ZFP82: variants seen among roughly 807,000 people sequenced by gnomAD.
The protein encoded by ZFP82 is ZFP82 zinc finger protein.
Under a neutral mutation model 54.0 loss-of-function variants are expected in ZFP82, and 30 were observed. The observed-to-expected ratio is 0.56, with a 90% CI of 0.42 to 0.75. ZFP82 has a LOEUF of 0.75. Among genes scored for constraint, ZFP82 ranks in the 30% least tolerant of loss-of-function variants. The pLI, the probability that ZFP82 is intolerant of heterozygous loss-of-function variation, is 0.00. For synonymous variants in ZFP82, 194 were observed against 209.5 expected, an observed-to-expected ratio of 0.93 and a Z score of 0.64; for missense variants, 500 against 636.8, an observed-to-expected ratio of 0.79 and a Z score of 2.31.
At chr19:36,403,630 A>AAG (rs890063323) in intron 4 of ZFP82, among the ~76,000 whole-genome samples, 1 of 151,476 alleles carries the variant, frequency 6.6e-6, no homozygotes, top group Admixed American at 6.6e-5. Flanking sequence ...AAGAAAAAAA[A>AAG]AAAAAAAAAC....
chr19:36,415,043 A>T (rs1268105993), intron 1 of ZFP82, among the ~76,000 whole-genome samples: 1 of 151,854 alleles, frequency 6.6e-6, no homozygotes, highest in Non-Finnish European at 1.5e-5. Context: ...CTGGTCTGGA[A>T]CTCCTGACCT....
At chr19:36,415,069 C>A (rs1392422337) in intron 1 of ZFP82, among the ~76,000 whole-genome samples, 3 of 152,198 alleles carry the variant, frequency 2.0e-5, no homozygotes, top group Non-Finnish European at 4.4e-5. Context: ...GATCCGCCCA[C>A]CTTGGCCTCC....
At chr19:36,385,994 A>C (rs1394581947), downstream of ZFP82, among the ~76,000 whole-genome samples, 1 of 152,240 alleles carries the variant, frequency 6.6e-6, no homozygotes, top group Non-Finnish European at 1.5e-5. Context: ...TATGAAGTGA[A>C]AAGGTGTGTT....
Position 36,390,936 on chromosome 19 carries a change from T to C in ZFP82, c.*1805A>G, listed in dbSNP as rs1040873334. ...GGCGCCTGCCACCACGCCCGGCGAA[T>C]TTTTTGTATTTTTAGTAGAGATGGG... On this transcript the variant is annotated 3_prime_UTR_variant, in exon 5 of 5. Transcript: ENST00000392161. 3 of 152,106 alleles carry C rather than the reference T, an allele frequency of 2.0e-5. No homozygotes were observed. The highest frequency in any genetic ancestry group is 4.4e-5 in the Non-Finnish European group (3 of 68,176). 9.4% of individuals were successfully genotyped at this position (152,106 alleles called of 1,614,324 possible).
At chr19:36,387,595 T>C (rs1381509060), downstream of ZFP82, among the ~76,000 whole-genome samples, 1 of 152,160 alleles carries the variant, frequency 6.6e-6, no homozygotes, top group African/African-American at 2.4e-5. Flanking sequence ...TTTCTGTTCA[T>C]TGTAAATTAC....
intron 4 of ZFP82, 189 bp from the exon 5 acceptor site, chr19:36,394,299 A>G: frequency 1.7e-6 from 1 of 573,722 alleles, no homozygotes; most frequent in Non-Finnish European, 3.0e-6. Flanking sequence ...CAAAATAGCA[A>G]GATTGGTGAT....
At chr19:36,402,233 C>T (rs1351357860) in intron 4 of ZFP82, among the ~76,000 whole-genome samples, 1 of 152,020 alleles carries the variant, frequency 6.6e-6, no homozygotes, top group African/African-American at 2.4e-5. Context: ...CTTTGGGAAG[C>T]CAAGGTGGGC....
At chr19:36,395,682 T>A (rs945473588) in intron 4 of ZFP82, 5 of 151,912 alleles carry the variant, frequency 3.3e-5, no homozygotes, top group Middle Eastern at 6.8e-3. Context: ...TATGATAAGG[T>A]GGTCTCTATT....
At chr19:36,413,471 T>A (rs2032613591) in intron 1 of ZFP82, among the ~76,000 whole-genome samples, 1 of 152,156 alleles carries the variant, frequency 6.6e-6, no homozygotes, top group African/African-American at 2.4e-5. Context: ...GGCAACAAGT[T>A]GAATAAATGA....
chr19:36,392,355 CACAGAGGGATGTAGATTCCTGTATACA>C lies in ZFP82; in HGVS notation c.*359_*385del, dbSNP rs145937527. 29,879 of 172,904 alleles carry C rather than the reference CACAGAGGGATGTAGATTCCTGTATACA, an allele frequency of 0.17. 2,899 individuals carry two copies. Among genetic ancestry groups the C allele is most frequent in the Non-Finnish European group, 0.23 (18,546 of 81,362 alleles). The allele number at this position is 172,904 out of a possible 1,614,324, so 10.7% of individuals were successfully genotyped here. On this transcript the variant is annotated 3_prime_UTR_variant, in exon 5 of 5. Transcript: ENST00000392161. ...ACCATATTCTACTGGGCGAAGCAGT[CACAGAGGGATGTAGATTCCTGTATACA>C]ACAGAGGGATGTAGATTCCACCTCT...
rs2032220307 is a variant in ZFP82 at position 36,392,672 on chromosome 19, T to C, written c.*69A>G. On this transcript the variant is annotated 3_prime_UTR_variant, in exon 5 of 5. Coordinates refer to ENST00000392161, the MANE Select transcript of ZFP82 (RefSeq NM_133466.4). ...CCTCTAATGCCAACGCAGTTGCATGTATGGAGCAAAATAGATTAATTACTA... is the reference window on the plus strand; with the variant it reads ...CCTCTAATGCCAACGCAGTTGCATGCATGGAGCAAAATAGATTAATTACTA... 2 of 1,383,192 alleles carry C rather than the reference T, an allele frequency of 1.4e-6. No homozygotes were observed. The highest frequency in any genetic ancestry group is 5.4e-5 in the Admixed American group (2 of 36,922). 85.7% of individuals were successfully genotyped at this position (1,383,192 alleles called of 1,614,324 possible).
chr19:36,403,715 C>G (rs1453344695), intron 4 of ZFP82, among the ~76,000 whole-genome samples: 1 of 151,578 alleles, frequency 6.6e-6, no homozygotes, highest in African/African-American at 2.4e-5. Context: ...AGATCATTCT[C>G]TCTAGAGTCT....
chr19:36,403,258 G>C (rs1012249052), intron 4 of ZFP82, among the ~76,000 whole-genome samples: 3 of 150,652 alleles, frequency 2.0e-5, no homozygotes, highest in African/African-American at 7.3e-5. Context: ...GGGAGGCAGA[G>C]GTTGCAGTGA....
intron 4 of ZFP82, among the ~76,000 whole-genome samples, chr19:36,401,626 TC>T (rs2032386031): frequency 6.6e-6 from 1 of 152,214 alleles, no homozygotes; most frequent in Admixed American, 6.6e-5. Flanking sequence ...TGAAACTGCC[TC>T]AGTATCGGTG....
chr19:36,393,314 T>C lies in ZFP82; in HGVS notation c.1026A>G (p.Glu342=), dbSNP rs2145579519. 1 of 1,614,108 alleles carries C rather than the reference T, an allele frequency of 6.2e-7. No individual in the cohort carries two copies. Residue 342 remains glutamate, a synonymous_variant, in exon 5 of 5, where the codon GAA becomes GAG. Coordinates refer to ENST00000392161, the MANE Select transcript of ZFP82 (RefSeq NM_133466.4). The part of the protein sequence containing the change: ...HTGEKPYECK[E]CGKAFRVRQQ... ...GTCGCACTCTAAAGGCCTTCCCGCA[T>C]TCCTTACATTCATAGGGTTTCTCAC...
At chr19:36,403,858 CAT>C (rs1164399796) in intron 4 of ZFP82, among the ~76,000 whole-genome samples, 1 of 99,156 alleles carries the variant, frequency 1.0e-5, no homozygotes, top group Non-Finnish European at 2.2e-5. Flanking sequence ...GCTGATAAAA[CAT>C]ATATGATTAT....
At chr19:36,414,143 G>T (rs564287959) in intron 1 of ZFP82, among the ~76,000 whole-genome samples, 8 of 151,806 alleles carry the variant, frequency 5.3e-5, no homozygotes, top group Non-Finnish European at 1.0e-4. Flanking sequence ...CTCGTGATCC[G>T]CCCGCCTTGG....
chr19:36,414,610 C>A (rs1462491498), intron 1 of ZFP82, among the ~76,000 whole-genome samples: 1 of 151,908 alleles, frequency 6.6e-6, no homozygotes, highest in Non-Finnish European at 1.5e-5. Flanking sequence ...GATCTGCCTG[C>A]CTCGGCCTCC....
chr19:36,403,089 G>A (rs2032417468), intron 4 of ZFP82, among the ~76,000 whole-genome samples: 1 of 151,906 alleles, frequency 6.6e-6, no homozygotes, highest in South Asian at 2.1e-4. Flanking sequence ...CTTGCAGTGA[G>A]CAAGATCACG....
Sources: allele counts gnomAD v4.1 joint callset (sites outside exome capture counted in the v4.1 genomes callset), GRCh38; gene constraint gnomAD v4.1.1; transcripts MANE v1.5; gene names NCBI Gene and HGNC (gene_info 2026-07-23, HGNC 2026-07-21).